ZNF563: variants seen among roughly 807,000 people sequenced by gnomAD.
The protein encoded by ZNF563 is zinc finger protein 563.
In ZNF563, 39 loss-of-function variants were observed where a neutral mutation model predicts 48.5. That is an observed-to-expected ratio of 0.80 (90% CI 0.62 to 1.05). ZNF563 has a LOEUF of 1.05. ZNF563 is among the 50% of genes least tolerant of loss of function. The pLI is 0.00. For synonymous variants in ZNF563, 168 were observed against 187.9 expected (o/e 0.89, Z 0.87); for missense variants, 538 against 597.0 (o/e 0.90, Z 1.03).
chr19:12,324,143 A>G (rs1402545786), intron 1 of ZNF563, among the ~76,000 whole-genome samples: 1 of 152,152 alleles, frequency 6.6e-6, no homozygotes, highest in Non-Finnish European at 1.5e-5. Flanking sequence ...GGACCATTTG[A>G]GCCCAGGAGT....
chr19:12,319,645 C>A lies in ZNF563; in HGVS notation c.380G>T (p.Gly127Val), dbSNP rs1458938247. The A allele has an allele frequency of 1.2e-6, 2 of 1,613,996 alleles. No homozygotes were observed. The highest frequency in any genetic ancestry group is 1.7e-6 in the Non-Finnish European group (2 of 1,180,036). ...TTCCTGATACTCATGTGGTTTGTGT[C>A]CAGAATCAACTCTGATGTGGCTATT... ...SLNSHIRVDS[G>V]HKPHEYQEYG... The change falls in exon 4 of 4, where the codon GGA becomes GTA. Residue 127 changes from glycine to valine, a missense_variant. Coordinates refer to ENST00000293725, the MANE Select transcript of ZNF563 (RefSeq NM_145276.3).
upstream of ZNF563, among the ~76,000 whole-genome samples, chr19:12,336,448 T>C (rs111688536): frequency 5.7e-3 from 861 of 152,176 alleles, 6 homozygotes; most frequent in African/African-American, 0.02. Flanking sequence ...AAAAATTAGC[T>C]GGGCATGGTG....
chr19:12,337,464 A>G (rs1303822491), upstream of ZNF563, among the ~76,000 whole-genome samples: 2 of 152,134 alleles, frequency 1.3e-5, no homozygotes, highest in Non-Finnish European at 2.9e-5. Context: ...TGGCCTCCCA[A>G]ACTGCTGGGA....
chr19:12,319,900 A>G, intron 3 of ZNF563, 67 bp from the exon 4 acceptor site: 1 of 1,458,650 alleles, frequency 6.9e-7, no homozygotes, highest in Non-Finnish European at 9.2e-7. Context: ...ATGTGTATTA[A>G]TAGGTATTGG....
chr19:12,332,719 C>CCTGCTGCCTTGGCACT (rs1270101690), intron 1 of ZNF563, among the ~76,000 whole-genome samples: 1 of 152,136 alleles, frequency 6.6e-6, no homozygotes, highest in Non-Finnish European at 1.5e-5. Flanking sequence ...AGTTAAGCTC[C>CCTGCTGCCTTGGCACT]CTGCTGCCTT....
upstream of ZNF563, among the ~76,000 whole-genome samples, chr19:12,336,773 T>C (rs900218668): frequency 4.6e-5 from 7 of 152,234 alleles, no homozygotes; most frequent in African/African-American, 1.7e-4. Flanking sequence ...GTTGACATCA[T>C]GTGCTCTGTG....
chr19:12,345,977 G>A, the ZNF563 span: 1 of 152,058 alleles, frequency 6.6e-6, no homozygotes, highest in Admixed American at 6.6e-5. Context: ...TATTGGATAC[G>A]ACATTTAAGG....
upstream of ZNF563, among the ~76,000 whole-genome samples, chr19:12,334,967 A>C (rs1442332884): frequency 2.6e-5 from 4 of 151,966 alleles, no homozygotes; most frequent in African/African-American, 9.7e-5. Flanking sequence ...CCTAACACAT[A>C]AATGGTAAAT....
chr19:12,328,336 G>A (rs1045347852), intron 1 of ZNF563, among the ~76,000 whole-genome samples: 2 of 152,186 alleles, frequency 1.3e-5, no homozygotes, highest in Non-Finnish European at 2.9e-5. Context: ...GCCAGGAGTG[G>A]TGGCATGCAC....
rs963183540 is a variant in ZNF563, at chr19:12,333,595, G to T, written c.-113C>A. 1.4e-6 allele frequency: 2 copies of T among 1,472,156 alleles called. No homozygotes were observed. Among genetic ancestry groups the T allele is most frequent in the African/African-American group, 1.4e-5 (1 of 71,146 alleles). The allele number at this position is 1,472,156 out of a possible 1,614,324, so 91.2% of individuals were successfully genotyped here. ...TCCAGGGCGTCTCTCAGCGACTGAG[G>T]CTACACAGACGTTCCAGGGCGTCTC... On this transcript the variant is annotated 5_prime_UTR_variant, in exon 1 of 4. Coordinates refer to ENST00000293725, the MANE Select transcript of ZNF563 (RefSeq NM_145276.3).
chr19:12,340,677 T>C, the ZNF563 span, among the ~76,000 whole-genome samples: 1 of 152,000 alleles, frequency 6.6e-6, no homozygotes, highest in Non-Finnish European at 1.5e-5. Flanking sequence ...CTCAGGAGGC[T>C]GAGACAAGAA....
intron 1 of ZNF563, among the ~76,000 whole-genome samples, chr19:12,327,486 AG>A (rs1179254355): frequency 1.1e-4 from 17 of 151,638 alleles, no homozygotes; most frequent in Non-Finnish European, 2.4e-4. Flanking sequence ...GAAAAGAAAA[AG>A]AAAAAAAGAG....
chr19:12,321,818 G>T (rs946841445), intron 2 of ZNF563, among the ~76,000 whole-genome samples: 2 of 151,968 alleles, frequency 1.3e-5, no homozygotes, highest in African/African-American at 2.4e-5. Flanking sequence ...TTCAGTCTCT[G>T]CTACCCCTAA....
chr19:12,331,706 T>A (rs745887082), intron 1 of ZNF563, among the ~76,000 whole-genome samples: 71 of 151,718 alleles, frequency 4.7e-4, no homozygotes, highest in Admixed American at 7.2e-4. Context: ...CTGGGAGGAG[T>A]GGCCCAGGGG....
At position 12,317,491 on chromosome 19, in the gene ZNF563, T is replaced by TTTTTTTTTTTTTGGG. The variant is rs1342197009; in HGVS notation, c.*1102_*1103insCCCAAAAAAAAAAAA. On this transcript the variant is annotated 3_prime_UTR_variant, in exon 4 of 4. Coordinates refer to ENST00000293725, the MANE Select transcript of ZNF563 (RefSeq NM_145276.3). ...TCTTTCTTTCCTTTTTTTTTTTTTTTGTGTGTGTGACAGAGGTTGTTTTGC... is the reference window on the plus strand; with the variant it reads ...TCTTTCTTTCCTTTTTTTTTTTTTTTTTTTTTTTTTTTGGGGTGTGTGTGACAGAGGTTGTTTTGC... 1 of 146,672 alleles carries TTTTTTTTTTTTTGGG rather than the reference T, an allele frequency of 6.8e-6. No individual in the cohort carries two copies. The highest frequency in any genetic ancestry group is 1.5e-5 in the Non-Finnish European group (1 of 66,624). The allele number at this position is 146,672 out of a possible 1,614,324, so 9.1% of individuals were successfully genotyped here.
At position 12,319,321 on chromosome 19, in the gene ZNF563, G is replaced by T. The variant is rs534376320; in HGVS notation, c.704C>A (p.Pro235His). The T allele has an allele frequency of 5.6e-6, 9 of 1,613,794 alleles. No homozygotes were observed. In the Admixed American group the frequency reaches 1.0e-4, roughly 18 times the overall value. The change falls in exon 4 of 4, where the codon CCT becomes CAT. Residue 235 changes from proline (P) to histidine (H), a missense_variant. Pro to His is a moderately conservative substitution (Grantham distance 77). Coordinates refer to ENST00000293725, the MANE Select transcript of ZNF563 (RefSeq NM_145276.3). ...YECKQCSKAF[P>H]FYSSYRRHER... ...ATGTCTTCGATAGGAACTGTAAAAA[G>T]GAAAGGCTTTAGAACACTGCTTACA...
At chr19:12,329,969 G>A (rs1028442859) in intron 1 of ZNF563, among the ~76,000 whole-genome samples, 2 of 150,986 alleles carry the variant, frequency 1.3e-5, no homozygotes, top group Admixed American at 1.3e-4. Context: ...TGCCCAGGCT[G>A]GAGTGCAATG....
At chr19:12,338,360 G>C (rs1343852383), upstream of ZNF563, among the ~76,000 whole-genome samples, 2 of 151,114 alleles carry the variant, frequency 1.3e-5, no homozygotes, top group Non-Finnish European at 2.9e-5. Flanking sequence ...TGATTCTTGT[G>C]CCTCAGCCTC....
At chr19:12,334,455 C>G (rs1475717234), upstream of ZNF563, among the ~76,000 whole-genome samples, 1 of 152,158 alleles carries the variant, frequency 6.6e-6, no homozygotes, top group Non-Finnish European at 1.5e-5. Flanking sequence ...GGTGATGAGA[C>G]TGGGACACTG....
Sources: gnomAD v4.1 joint callset for allele counts (sites outside exome capture counted in the v4.1 genomes callset) on GRCh38, gnomAD v4.1.1 for gene constraint, MANE v1.5 for transcripts, NCBI Gene and HGNC (gene_info 2026-07-23, HGNC 2026-07-21) for gene names.